The following NELL2 variants were observed in gnomAD, a reference collection of about 807,000 sequenced individuals.
NELL2 encodes the protein protein kinase C-binding protein NELL2.
NELL2 carries 41 observed loss-of-function variants against 109.6 expected under a neutral mutation model. The observed-to-expected ratio is 0.37, with a 90% CI of 0.29 to 0.49. The LOEUF is 0.49. Ranked by LOEUF, NELL2 falls within the 20% of genes least tolerant of loss-of-function variation. NELL2 has a pLI of 0.98. For missense variants in NELL2, 900 were observed against 1,008.3 expected (o/e 0.89, Z 1.45); for synonymous variants, 355 against 344.7 (o/e 1.03, Z -0.33).
At chr12:44,648,732 T>TATATATATATA (rs1491366109) in intron 13 of NELL2, among the ~76,000 whole-genome samples, 7 of 24,944 alleles carry the variant, frequency 2.8e-4, no homozygotes, top group African/African-American at 1.0e-3. Context: ...TATATATATA[T>TATATATATATA]TTTTTTTTTT....
At chr12:44,526,603 C>T (rs1207248727) in intron 16 of NELL2, among the ~76,000 whole-genome samples, 1 of 152,084 alleles carries the variant, frequency 6.6e-6, no homozygotes, top group Non-Finnish European at 1.5e-5. Context: ...TAGAAAGAGA[C>T]AACAGAGAGA....
At chr12:44,667,631 G>C (rs989217270) in intron 12 of NELL2, among the ~76,000 whole-genome samples, 3 of 152,130 alleles carry the variant, frequency 2.0e-5, no homozygotes, top group Admixed American at 1.3e-4. Flanking sequence ...TCATCTCCTC[G>C]ACAGACAAGG....
intron 2 of NELL2, among the ~76,000 whole-genome samples, chr12:44,846,344 C>T (rs747224522): frequency 2.6e-5 from 4 of 152,214 alleles, no homozygotes; most frequent in Non-Finnish European, 5.9e-5. Flanking sequence ...AGCATCAACA[C>T]GGATGCTCTG....
In NELL2 at chr12:44,753,682, G is replaced by GAT. The variant is rs577162925; in HGVS notation, c.994+21063_994+21064dup. 5.5e-3 allele frequency among the ~76,000 whole-genome samples: 832 copies of GAT among 151,830 alleles called. 9 individuals carry two copies. The highest frequency in any genetic ancestry group is 0.019 in the African/African-American group (770 of 41,430). ...CTATTCTAGGGATTTAATGAGGTAA[G>GAT]ATATATATATATAATCTGTATATAT... is the stretch of plus-strand genomic sequence containing the variant. On this transcript the variant is annotated intron_variant, in intron 9 of 19. Coordinates refer to ENST00000429094, the MANE Select transcript of NELL2 (RefSeq NM_001145108.2).
In NELL2 at chr12:44,711,357, G is replaced by A. The variant is rs1938189500; in HGVS notation, c.1124C>T (p.Pro375Leu). Residue 375 changes from proline to leucine, a missense_variant, in exon 11 of 20, where the codon CCA (proline) becomes CTA (leucine). Pro to Leu is a moderately conservative substitution (Grantham distance 98). Around this residue, in one of 4 missense-constraint regions of NELL2, gnomAD observed 292 missense variants for 265.3 expected, o/e 1.10. Coordinates refer to ENST00000429094, the MANE Select transcript of NELL2 (RefSeq NM_001145108.2). ...ATGAGACTCTGGACAATCCAAAGCT[G>A]GACAGCCTGAACTCTCAACAAGTTT... ...TMKLVESSGC[P>L]ALDCPESHQI... 2 of 1,612,374 alleles carry A rather than the reference G, an allele frequency of 1.2e-6. No homozygotes were observed.
chr12:44,614,150 T>G (rs1439442506), intron 13 of NELL2, among the ~76,000 whole-genome samples: 1 of 152,012 alleles, frequency 6.6e-6, no homozygotes, highest in Non-Finnish European at 1.5e-5. Flanking sequence ...CTTCATATCC[T>G]CAGTAAAAAT....
At chr12:44,691,480 G>T (rs1182129131) in intron 12 of NELL2, among the ~76,000 whole-genome samples, 2 of 152,080 alleles carry the variant, frequency 1.3e-5, no homozygotes, top group Non-Finnish European at 2.9e-5. Context: ...TATTCCCTGG[G>T]ATACAACGAT....
At chr12:44,810,689 G>C (rs559282147) in intron 3 of NELL2, among the ~76,000 whole-genome samples, 2 of 152,146 alleles carry the variant, frequency 1.3e-5, no homozygotes, top group Admixed American at 6.6e-5. Context: ...GCAAACCACT[G>C]ACTGGATGAG....
chr12:44,534,073 G>A (rs1942197864), intron 15 of NELL2, among the ~76,000 whole-genome samples: 1 of 152,036 alleles, frequency 6.6e-6, no homozygotes, highest in African/African-American at 2.4e-5. Context: ...TCAGTTGACA[G>A]AATCTACTTC....
intron 2 of NELL2, among the ~76,000 whole-genome samples, chr12:44,820,482 G>A (rs563654856): frequency 4.5e-4 from 68 of 152,126 alleles, no homozygotes; most frequent in African/African-American, 1.3e-3. Flanking sequence ...GGTGATGGGC[G>A]CCTGTAGCCC....
At chr12:44,681,596 T>A (rs952828610) in intron 12 of NELL2, among the ~76,000 whole-genome samples, 1 of 150,600 alleles carries the variant, frequency 6.6e-6, no homozygotes, top group Non-Finnish European at 1.5e-5. Context: ...GTCCCCAGAC[T>A]GTGATGTTCC....
intron 9 of NELL2, among the ~76,000 whole-genome samples, chr12:44,739,268 A>G (rs1939813514): frequency 6.6e-6 from 1 of 152,208 alleles, no homozygotes; most frequent in African/African-American, 2.4e-5. Context: ...TGAAAAATAC[A>G]AACAAGGGCC....
At chr12:44,777,932 T>C (rs1218868164) in intron 5 of NELL2, among the ~76,000 whole-genome samples, 1 of 152,144 alleles carries the variant, frequency 6.6e-6, no homozygotes, top group East Asian at 1.9e-4. Flanking sequence ...CATAGAAAAT[T>C]TTATCACATG....
chr12:44,523,185 T>A, intron 17 of NELL2, 106 bp downstream of exon 17: 1 of 1,032,908 alleles, frequency 9.7e-7, no homozygotes, highest in Non-Finnish European at 1.5e-6. Flanking sequence ...TGATGGTAGG[T>A]AAGTGGATGT....
intron 2 of NELL2, among the ~76,000 whole-genome samples, chr12:44,847,987 G>A (rs2658954): frequency 0.8 from 118,197 of 147,216 alleles, 47,737 homozygotes; most frequent in Middle Eastern, 0.94. Flanking sequence ...AGCCAAGATC[G>A]CACCACTGCA....
At chr12:44,629,054 A>C (rs1946362909) in intron 13 of NELL2, among the ~76,000 whole-genome samples, 1 of 152,174 alleles carries the variant, frequency 6.6e-6, no homozygotes, top group Non-Finnish European at 1.5e-5. Context: ...ATATTATGTA[A>C]AGTGTATCTA....
At chr12:44,536,747 C>T (rs1423731358) in intron 15 of NELL2, among the ~76,000 whole-genome samples, 3 of 151,654 alleles carry the variant, frequency 2.0e-5, no homozygotes, top group Admixed American at 2.0e-4. Flanking sequence ...GAACTAGTTC[C>T]TTAGAACATT....
chr12:44,820,986 T>G (rs1214257651), intron 2 of NELL2, among the ~76,000 whole-genome samples: 1 of 151,658 alleles, frequency 6.6e-6, no homozygotes, highest in Non-Finnish European at 1.5e-5. Flanking sequence ...GATGGAGGGA[T>G]GGACCACAGA....
intron 2 of NELL2, among the ~76,000 whole-genome samples, chr12:44,868,989 G>T (rs1291088599): frequency 6.6e-6 from 1 of 152,100 alleles, no homozygotes; most frequent in Admixed American, 6.5e-5. Flanking sequence ...CACAATAAAT[G>T]TATACAATTT....
Sources: gnomAD v4.1 joint callset for allele counts (sites outside exome capture counted in the v4.1 genomes callset) on GRCh38, gnomAD v4.1.1 for gene constraint, gnomAD v4.1.1 regional missense constraint, MANE v1.5 for transcripts, NCBI Gene and HGNC (gene_info 2026-07-23, HGNC 2026-07-21) for gene names.